GON4L: variants seen among roughly 807,000 people sequenced by gnomAD.
The protein encoded by GON4L is GON-4-like protein.
A neutral mutation model predicts 211.8 loss-of-function variants in GON4L; 87 were observed. The observed-to-expected ratio is 0.41, with a 90% CI of 0.35 to 0.49. GON4L has a LOEUF of 0.49. GON4L is among the 20% of genes least tolerant of loss of function. The pLI is 0.15. For synonymous variants in GON4L, 875 were observed against 962.6 expected, an observed-to-expected ratio of 0.91 and a Z score of 1.68; for missense variants, 2,155 against 2,659.5, an observed-to-expected ratio of 0.81 and a Z score of 4.17.
At chr1:155,827,550 T>C (rs1442243923) in intron 2 of GON4L, among the ~76,000 whole-genome samples, 1 of 152,046 alleles carries the variant, frequency 6.6e-6, no homozygotes, top group Non-Finnish European at 1.5e-5. Flanking sequence ...AAAGGGGTGA[T>C]GGTGCATGCT....
At chr1:155,790,633 G>A (rs546771990) in intron 12 of GON4L, among the ~76,000 whole-genome samples, 6 of 151,904 alleles carry the variant, frequency 3.9e-5, no homozygotes, top group Middle Eastern at 3.4e-3. Flanking sequence ...TATGAAAGGC[G>A]CACAGTTTAT....
At chr1:155,853,049 C>A (rs1164920610) in intron 2 of GON4L, among the ~76,000 whole-genome samples, 1 of 151,846 alleles carries the variant, frequency 6.6e-6, no homozygotes, top group Non-Finnish European at 1.5e-5. Context: ...GAGGTGGAGG[C>A]TGCAGTGAGT....
At chr1:155,820,787 C>T in intron 5 of GON4L, 131 bp from the exon 6 acceptor site, 1 of 707,722 alleles carries the variant, frequency 1.4e-6, no homozygotes, top group Non-Finnish European at 2.5e-6. Context: ...TTGAGACCAG[C>T]CTGAGCAACA....
chr1:155,756,811 T>G lies in GON4L; in HGVS notation c.5517+147A>C, dbSNP rs1661239095. 4 of 625,646 alleles carry G rather than the reference T, an allele frequency of 6.4e-6. No individual in the cohort carries two copies. The East Asian group carries it at 1.1e-4, about 18-fold the overall frequency. 38.8% of individuals were successfully genotyped at this position (625,646 alleles called of 1,614,324 possible). A position where few individuals can be genotyped will look rare whatever the true frequency, so the allele number is the denominator to read the frequency against. ...GTGGTGGCTGGCGCCTGTCTGTAATTCCAGCTACTTGAGAGGCTGAGGTGG... is the reference window on the plus strand; with the variant it reads ...GTGGTGGCTGGCGCCTGTCTGTAATGCCAGCTACTTGAGAGGCTGAGGTGG... On this transcript the variant is annotated intron_variant, in intron 27 of 31. Transcript: ENST00000368331.
chr1:155,809,901 T>G lies in GON4L; in HGVS notation c.1452+3733A>C, dbSNP rs1472829539. Among the ~76,000 whole-genome samples the G allele has an allele frequency of 1.5e-5, 2 of 132,138 alleles. 1 individual carries two copies. The highest frequency in any genetic ancestry group is 5.8e-5 in the African/African-American group (2 of 34,736). 86.7% of individuals were successfully genotyped at this position (132,138 alleles called of 152,430 possible). On this transcript the variant is annotated intron_variant, in intron 10 of 31. Coordinates refer to ENST00000368331, the MANE Select transcript of GON4L (RefSeq NM_001282860.2). ...TATAAATTATATACATATATATAATTATAAATTATATACATATATAATTAT... is the reference window on the plus strand; with the variant it reads ...TATAAATTATATACATATATATAATGATAAATTATATACATATATAATTAT...
intron 10 of GON4L, among the ~76,000 whole-genome samples, chr1:155,810,832 A>G (rs1667698209): frequency 6.6e-6 from 1 of 151,886 alleles, no homozygotes; most frequent in African/African-American, 2.4e-5. Flanking sequence ...CTGGCCAACA[A>G]TAAAACCCTG....
intron 25 of GON4L, 115 bp from the exon 26 acceptor site, chr1:155,757,438 A>ATG: frequency 1.1e-6 from 1 of 891,150 alleles, no homozygotes; most frequent in Non-Finnish European, 1.7e-6. Flanking sequence ...GGAAACACAC[A>ATG]GAGACTCTGC....
chr1:155,801,095 T>G (rs1362920113), intron 11 of GON4L, among the ~76,000 whole-genome samples: 1 of 85,728 alleles, frequency 1.2e-5, no homozygotes, highest in African/African-American at 4.7e-5. Context: ...CTCTTCACAA[T>G]AAATCTTGCT....
At chr1:155,855,904 C>T (rs112300041) in intron 1 of GON4L, among the ~76,000 whole-genome samples, 1 of 147,554 alleles carries the variant, frequency 6.8e-6, no homozygotes, top group Admixed American at 6.9e-5. Flanking sequence ...ATCGCTTGAA[C>T]CCGGGAGGTG....
At chr1:155,749,391 T>C, downstream of GON4L, 2 of 1,608,292 alleles carry the variant, frequency 1.2e-6, no homozygotes, top group East Asian at 2.2e-5. Flanking sequence ...GGAAGAAATC[T>C]TGGCTCAGTA....
chr1:155,782,301 T>C (rs948665289), intron 14 of GON4L, among the ~76,000 whole-genome samples: 2 of 152,220 alleles, frequency 1.3e-5, no homozygotes, highest in African/African-American at 4.8e-5. Context: ...TGCCACATAA[T>C]GTTTCAGTCA....
At chr1:155,754,269 T>A (rs1291876758) in intron 28 of GON4L, 106 bp downstream of exon 28, 1 of 779,860 alleles carries the variant, frequency 1.3e-6, no homozygotes, top group Admixed American at 1.7e-5. Flanking sequence ...ATACTGAATG[T>A]TATTTATATA....
chr1:155,755,981 A>G (rs1049390202), intron 27 of GON4L, among the ~76,000 whole-genome samples: 7 of 151,842 alleles, frequency 4.6e-5, no homozygotes, highest in Non-Finnish European at 1.0e-4. Context: ...ACGAATTAAA[A>G]AAAAAAAAAA....
intron 2 of GON4L, among the ~76,000 whole-genome samples, chr1:155,849,492 C>A (rs1364350632): frequency 6.8e-6 from 1 of 146,018 alleles, no homozygotes; most frequent in Non-Finnish European, 1.5e-5. Context: ...TGCAATGAGC[C>A]GAGATTGTGC....
intron 2 of GON4L, among the ~76,000 whole-genome samples, chr1:155,834,703 T>C (rs191196165): frequency 1.3e-5 from 2 of 152,264 alleles, no homozygotes; most frequent in African/African-American, 2.4e-5. Context: ...ACCAGCACCA[T>C]GACAGTTTAC....
chr1:155,849,438 G>T (rs1162177087), intron 2 of GON4L, among the ~76,000 whole-genome samples: 1 of 151,736 alleles, frequency 6.6e-6, no homozygotes, highest in Non-Finnish European at 1.5e-5. Flanking sequence ...CAGCTACTCG[G>T]GAGGCTGAGG....
intron 31 of GON4L, among the ~76,000 whole-genome samples, chr1:155,751,188 G>T (rs1035960508): frequency 6.6e-6 from 1 of 152,164 alleles, no homozygotes; most frequent in Non-Finnish European, 1.5e-5. Flanking sequence ...AAACTCAAGA[G>T]GCTAAATGTT....
At chr1:155,857,097 C>T (rs1218071439) in intron 1 of GON4L, 50 bp downstream of exon 1, 1 of 152,682 alleles carries the variant, frequency 6.5e-6, no homozygotes, top group Non-Finnish European at 1.5e-5. Context: ...CATCGTTCGT[C>T]CAGGTGTCCC....
At chr1:155,829,122 C>T (rs933510299) in intron 2 of GON4L, among the ~76,000 whole-genome samples, 2 of 152,180 alleles carry the variant, frequency 1.3e-5, no homozygotes, top group Non-Finnish European at 2.9e-5. Context: ...TTATAGCTTA[C>T]TTCCATCACA....
Sources: gnomAD v4.1 joint callset for allele counts (sites outside exome capture counted in the v4.1 genomes callset) on GRCh38, gnomAD v4.1.1 for gene constraint, MANE v1.5 for transcripts, NCBI Gene and HGNC (gene_info 2026-07-23, HGNC 2026-07-21) for gene names.